Variants in ALK observed in about 807,000 individuals in gnomAD.
The protein encoded by ALK is ALK tyrosine kinase receptor.
In ALK, 74 loss-of-function variants were observed where a neutral mutation model predicts 163.1. That is an observed-to-expected ratio of 0.45 (90% CI 0.38 to 0.55). The LOEUF (loss-of-function observed/expected upper bound fraction) is 0.55, where lower values mean the gene tolerates loss of function less well. Among genes scored for constraint, ALK ranks in the 20% least tolerant of loss-of-function variants. The pLI is 0.00. For missense variants in ALK, 2,063 were observed against 2,105.3 expected (o/e 0.98, Z 0.39); for synonymous variants, 960 against 843.2 (o/e 1.14, Z -2.40).
At chr2:29,703,155 T>C (rs1457041720) in intron 2 of ALK, among the ~76,000 whole-genome samples, 8 of 152,224 alleles carry the variant, frequency 5.3e-5, no homozygotes, top group Non-Finnish European at 1.2e-4. Flanking sequence ...ACTTAAAATA[T>C]GACAATATGA....
intron 22 of ALK, 139 bp downstream of exon 22, chr2:29,222,205 T>G: frequency 1.3e-6 from 1 of 783,172 alleles, no homozygotes; most frequent in South Asian, 1.5e-5. Context: ...CTAGAATGTT[T>G]GGGAGTCTCC....
At chr2:29,853,475 A>G (rs1041391598) in intron 1 of ALK, among the ~76,000 whole-genome samples, 2 of 152,076 alleles carry the variant, frequency 1.3e-5, no homozygotes, top group African/African-American at 4.8e-5. Flanking sequence ...ACAAGATCCC[A>G]GGCCCCCCAC....
intron 3 of ALK, among the ~76,000 whole-genome samples, chr2:29,629,417 C>A (rs959218913): frequency 2.0e-5 from 3 of 152,100 alleles, no homozygotes; most frequent in Non-Finnish European, 2.9e-5. Context: ...CATACAATGG[C>A]CCACAACAGG....
intron 3 of ALK, among the ~76,000 whole-genome samples, chr2:29,616,511 A>T (rs1364280723): frequency 6.6e-6 from 1 of 152,218 alleles, no homozygotes; most frequent in African/African-American, 2.4e-5. Flanking sequence ...AGAGACCAAA[A>T]CAGACGCCCC....
intron 5 of ALK, among the ~76,000 whole-genome samples, chr2:29,345,537 C>T (rs1367859415): frequency 6.6e-6 from 1 of 151,896 alleles, no homozygotes; most frequent in Non-Finnish European, 1.5e-5. Context: ...ACTGGGAGAA[C>T]TTTTCTAGAA....
chr2:29,324,797 A>G (rs962684336), intron 6 of ALK, among the ~76,000 whole-genome samples: 8 of 152,216 alleles, frequency 5.3e-5, no homozygotes, highest in Non-Finnish European at 1.0e-4. Context: ...ATGTTTAATT[A>G]GAAATGCAGG....
At chr2:29,364,491 G>A (rs1381454375) in intron 5 of ALK, among the ~76,000 whole-genome samples, 1 of 152,204 alleles carries the variant, frequency 6.6e-6, no homozygotes, top group Non-Finnish European at 1.5e-5. Context: ...AATCCTGCCA[G>A]TTCCTTCTGA....
chr2:29,377,205 T>C (rs113233734), intron 5 of ALK, among the ~76,000 whole-genome samples: 9,339 of 152,174 alleles, frequency 0.061, 325 homozygotes, highest in Middle Eastern at 0.092. Flanking sequence ...AGGCCGGGCG[T>C]GGTGGCTCAC....
At chr2:29,903,365 C>G (rs1475296415) in intron 1 of ALK, among the ~76,000 whole-genome samples, 3 of 151,988 alleles carry the variant, frequency 2.0e-5, no homozygotes, top group Non-Finnish European at 2.9e-5. Flanking sequence ...CATTTATATC[C>G]CTCATTCATT....
At chr2:29,783,360 T>G (rs927777908) in intron 1 of ALK, among the ~76,000 whole-genome samples, 3 of 152,236 alleles carry the variant, frequency 2.0e-5, no homozygotes, top group African/African-American at 7.2e-5. Flanking sequence ...GTCACAGTTT[T>G]GCTGTAGGAC....
At chr2:29,410,425 G>A (rs114376556) in intron 4 of ALK, among the ~76,000 whole-genome samples, 10 of 152,136 alleles carry the variant, frequency 6.6e-5, no homozygotes, top group East Asian at 3.9e-4. Flanking sequence ...TACTTTTTAC[G>A]TATATTGATT....
At chr2:29,334,051 C>T (rs1392477415) in intron 5 of ALK, among the ~76,000 whole-genome samples, 3 of 152,218 alleles carry the variant, frequency 2.0e-5, no homozygotes, top group South Asian at 4.1e-4. Flanking sequence ...CTTCCCCTCT[C>T]CTCTGGGGAC....
At chr2:29,783,071 T>A (rs1352517740) in intron 1 of ALK, among the ~76,000 whole-genome samples, 1 of 152,262 alleles carries the variant, frequency 6.6e-6, no homozygotes, top group Non-Finnish European at 1.5e-5. Context: ...TGCAAGGCGT[T>A]TGTCATTCCT....
Position 29,533,119 on chromosome 2 carries a change from G to A in ALK, c.953-1003C>T, listed in dbSNP as rs114028991. On this transcript the variant is annotated intron_variant, in intron 3 of 28. Transcript: ENST00000389048. ...ATTGGAGGTTTCCAACTTTCTTAAA[G>A]TAAGTAAAAGCGACTTCTGGTTAAA... 8.7e-3 allele frequency among the ~76,000 whole-genome samples: 1,320 copies of A among 152,332 alleles called. 24 individuals carry two copies. The highest frequency in any genetic ancestry group is 0.031 in the African/African-American group (1,282 of 41,576).
chr2:29,862,412 C>A (rs184102225), intron 1 of ALK, among the ~76,000 whole-genome samples: 1 of 152,060 alleles, frequency 6.6e-6, no homozygotes. Flanking sequence ...ATTCCACCAA[C>A]GAACTGTTAG....
chr2:29,543,825 T>C (rs1208023140), intron 3 of ALK, among the ~76,000 whole-genome samples: 2 of 152,234 alleles, frequency 1.3e-5, no homozygotes, highest in African/African-American at 4.8e-5. Flanking sequence ...CCTGCTCTGT[T>C]TGCTATTCAG....
Position 29,390,761 on chromosome 2 carries a change from TAGC to T in ALK, c.1155-6905_1155-6903del, listed in dbSNP as rs1408153303. ...GCATTTAAAGCATTTTTATGGGAGA[TAGC>T]AGGGGAAAAATGCTAGATCAATGTA... On this transcript the variant is annotated intron_variant, in intron 4 of 28. Transcript: ENST00000389048. Among the ~76,000 whole-genome samples, 3 of 152,372 alleles carry T rather than the reference TAGC, an allele frequency of 2.0e-5. No individual in the cohort carries two copies. In the East Asian group the frequency reaches 5.8e-4, roughly 29 times the overall value.
chr2:29,485,063 T>C (rs1671748257), intron 4 of ALK, among the ~76,000 whole-genome samples: 4 of 152,228 alleles, frequency 2.6e-5, no homozygotes, highest in Admixed American at 2.6e-4. Context: ...TTTATCTAAA[T>C]AATTCTGCCC....
At chr2:29,804,637 T>A (rs1664563798) in intron 1 of ALK, among the ~76,000 whole-genome samples, 1 of 152,190 alleles carries the variant, frequency 6.6e-6, no homozygotes, top group Non-Finnish European at 1.5e-5. Context: ...TGCGTTGGGT[T>A]TAAGGTGATA....
Sources: allele counts gnomAD v4.1 joint callset (sites outside exome capture counted in the v4.1 genomes callset), GRCh38; gene constraint gnomAD v4.1.1; transcripts MANE v1.5; gene names NCBI Gene and HGNC (gene_info 2026-07-23, HGNC 2026-07-21).